LARS2: variants seen among roughly 807,000 people sequenced by gnomAD.
The protein encoded by LARS2 is leucine--tRNA ligase, mitochondrial.
Under a neutral mutation model 116.6 loss-of-function variants are expected in LARS2, and 81 were observed. That is an observed-to-expected ratio of 0.69 (90% confidence interval 0.58 to 0.84). LARS2 has a LOEUF of 0.84. Among genes scored for constraint, LARS2 ranks in the 40% least tolerant of loss-of-function variants. LARS2 has a pLI of 0.00. For missense variants in LARS2, 968 were observed against 1,114.5 expected (o/e 0.87, Z 1.87); for synonymous variants, 396 against 407.2 (o/e 0.97, Z 0.33).
chr3:45,530,027 A>T (rs369090725), intron 20 of LARS2, among the ~76,000 whole-genome samples: 16 of 152,304 alleles, frequency 1.1e-4, no homozygotes, highest in African/African-American at 2.6e-4. Flanking sequence ...TCAAAACACG[A>T]CTTCAGAGAG....
intron 8 of LARS2, among the ~76,000 whole-genome samples, chr3:45,465,021 G>A (rs1289200434): frequency 2.0e-5 from 3 of 151,998 alleles, no homozygotes; most frequent in Admixed American, 6.5e-5. Flanking sequence ...TGTGGGGTAG[G>A]AGGCCAGAGC....
chr3:45,537,879 A>G (rs1700731814), intron 20 of LARS2, among the ~76,000 whole-genome samples: 1 of 152,126 alleles, frequency 6.6e-6, no homozygotes, highest in Non-Finnish European at 1.5e-5. Context: ...TCTGCAGGAA[A>G]GTCTGCAATA....
chr3:45,476,528 T>C lies in LARS2; in HGVS notation c.919T>C (p.Tyr307His). The C allele has an allele frequency of 1.2e-6, 2 of 1,614,214 alleles. No individual in the cohort carries two copies. The highest frequency in any genetic ancestry group is 1.7e-6 in the Non-Finnish European group (2 of 1,180,020). Reference protein sequence around the residue: ...TAYTATPEAIYGTSHVAISPS... With the variant: ...TAYTATPEAIHGTSHVAISPS... ...CTATACGGCCACCCCTGAAGCCATT[T>C]ATGGCACCTCCCACGTGGCCATCTC... Residue 307 changes from tyrosine to histidine, a missense_variant, in exon 10 of 22, where the codon TAT (tyrosine) becomes CAT (histidine). Physicochemically the swap from Tyr to His is moderately conservative, Grantham distance 83. Transcript: ENST00000645846.
Position 45,505,177 on chromosome 3 carries a change from C to T in LARS2, c.1760+4598C>T, listed in dbSNP as rs544064515. On this transcript the variant is annotated intron_variant, in intron 15 of 21. Transcript: ENST00000645846. Reference sequence around the variant, plus strand: ...TTATATTCTTCAGAGGAAATGTTCTCCAGTTCATGCAGTTGTGCACACCTA... The same window carrying T: ...TTATATTCTTCAGAGGAAATGTTCTTCAGTTCATGCAGTTGTGCACACCTA... Among the ~76,000 whole-genome samples the T allele has an allele frequency of 2.6e-5, 4 of 152,090 alleles. No homozygotes were observed. The East Asian group carries it at 7.7e-4, about 29-fold the overall frequency.
intron 7 of LARS2, among the ~76,000 whole-genome samples, chr3:45,456,702 G>A (rs1383612144): frequency 1.3e-5 from 2 of 152,168 alleles, no homozygotes; most frequent in African/African-American, 2.4e-5. Flanking sequence ...AGGTACTTTT[G>A]TCCCATATTT....
chr3:45,440,019 G>A lies in LARS2; in HGVS notation c.517-6872G>A, dbSNP rs565453966. 6.1e-4 allele frequency among the ~76,000 whole-genome samples: 93 copies of A among 152,298 alleles called. 1 individual carries two copies. Among genetic ancestry groups the A allele is most frequent in the African/African-American group, 1.9e-3 (81 of 41,566 alleles). ...AAGTTCAATTCCAAGGTGTAACCAA[G>A]TTTGAGAACCAGTGCTTAGTGTAGA... On this transcript the variant is annotated intron_variant, in intron 6 of 21. Coordinates refer to ENST00000645846, the MANE Select transcript of LARS2 (RefSeq NM_015340.4).
intron 4 of LARS2, among the ~76,000 whole-genome samples, chr3:45,408,658 G>T (rs927208810): frequency 6.6e-6 from 1 of 152,014 alleles, no homozygotes; most frequent in Admixed American, 6.6e-5. Context: ...GTTCCATCTG[G>T]GCAGTCCAGC....
chr3:45,397,648 G>C (rs1698069969), intron 3 of LARS2, among the ~76,000 whole-genome samples: 1 of 152,096 alleles, frequency 6.6e-6, no homozygotes, highest in Admixed American at 6.5e-5. Flanking sequence ...TGAAAAACTA[G>C]AAACAGCTTA....
At chr3:45,541,174 C>T (rs764704752) in intron 20 of LARS2, among the ~76,000 whole-genome samples, 10 of 152,128 alleles carry the variant, frequency 6.6e-5, no homozygotes, top group Admixed American at 2.0e-4. Context: ...CTTAGTGCCA[C>T]CTCTTCTTGG....
chr3:45,407,372 A>G lies in LARS2; in HGVS notation c.363+6999A>G, dbSNP rs1024784104. Among the ~76,000 whole-genome samples the G allele has an allele frequency of 2.0e-5, 3 of 152,320 alleles. No homozygotes were observed. The South Asian group carries it at 6.2e-4, about 32-fold the overall frequency. Reference sequence around the variant, plus strand: ...ATCTGAAAGTAGATAGTGAATTTCCAGGGCATATTCTCTCAGATCTCCTTC... The same window carrying G: ...ATCTGAAAGTAGATAGTGAATTTCCGGGGCATATTCTCTCAGATCTCCTTC... On this transcript the variant is annotated intron_variant, in intron 4 of 21. Coordinates refer to ENST00000645846, the MANE Select transcript of LARS2 (RefSeq NM_015340.4).
chr3:45,517,662 G>C (rs1022950928), intron 17 of LARS2, among the ~76,000 whole-genome samples: 1 of 152,224 alleles, frequency 6.6e-6, no homozygotes, highest in Non-Finnish European at 1.5e-5. Flanking sequence ...GTGGCACTTT[G>C]AGTGGCCCTG....
chr3:45,469,927 A>G (rs1699492788), intron 8 of LARS2, among the ~76,000 whole-genome samples: 2 of 152,218 alleles, frequency 1.3e-5, no homozygotes, highest in African/African-American at 4.8e-5. Flanking sequence ...ATTTATAAGT[A>G]TGCTAAGTGT....
chr3:45,523,531 CTTTT>C (rs749617499), intron 19 of LARS2, among the ~76,000 whole-genome samples: 1 of 140,268 alleles, frequency 7.1e-6, no homozygotes, highest in African/African-American at 2.6e-5. Flanking sequence ...GCTGCTGGAG[CTTTT>C]TTTTTTTTTT....
chr3:45,417,246 A>C (rs550152010), intron 4 of LARS2, among the ~76,000 whole-genome samples: 2 of 152,290 alleles, frequency 1.3e-5, no homozygotes, highest in Admixed American at 6.5e-5. Flanking sequence ...AATAAAAAGT[A>C]CTCATGAAAA....
chr3:45,534,559 A>G (rs1470424042), intron 20 of LARS2, among the ~76,000 whole-genome samples: 1 of 152,224 alleles, frequency 6.6e-6, no homozygotes, highest in Non-Finnish European at 1.5e-5. Context: ...TAAAGAAAAC[A>G]TGGTCCACCA....
intron 7 of LARS2, among the ~76,000 whole-genome samples, chr3:45,451,253 G>A (rs979446597): frequency 6.6e-6 from 1 of 150,902 alleles, no homozygotes; most frequent in African/African-American, 2.4e-5. Context: ...TGCTTTTATG[G>A]TCTTACCCAA....
chr3:45,476,205 G>T (rs999450699), intron 9 of LARS2, among the ~76,000 whole-genome samples: 2 of 152,152 alleles, frequency 1.3e-5, no homozygotes, highest in Admixed American at 1.3e-4. Flanking sequence ...ATCTTTCTGA[G>T]CATTCTTGGA....
intron 8 of LARS2, among the ~76,000 whole-genome samples, chr3:45,472,142 G>A (rs1156558307): frequency 6.6e-6 from 1 of 152,182 alleles, no homozygotes; most frequent in Non-Finnish European, 1.5e-5. Context: ...GAAATTAGGG[G>A]AGAACAAGGG....
At chr3:45,543,998 G>A (rs541847771) in intron 21 of LARS2, among the ~76,000 whole-genome samples, 1 of 152,328 alleles carries the variant, frequency 6.6e-6, no homozygotes, top group Admixed American at 6.5e-5. Context: ...TGAAAAGCAT[G>A]TGTAAGACTC....
Sources: allele counts gnomAD v4.1 joint callset (sites outside exome capture counted in the v4.1 genomes callset), GRCh38; gene constraint gnomAD v4.1.1; transcripts MANE v1.5; gene names NCBI Gene and HGNC (gene_info 2026-07-23, HGNC 2026-07-21).